The following NSD1 variants were observed in gnomAD, a reference collection of about 807,000 sequenced individuals.
NSD1 encodes histone-lysine N-methyltransferase, H3 lysine-36 specific.
Under a neutral mutation model 242.7 loss-of-function variants are expected in NSD1, and 26 were observed. The observed-to-expected ratio is 0.11, with a 90% CI of 0.08 to 0.15. The LOEUF is 0.15. Ranked by LOEUF, NSD1 falls within the 10% of genes least tolerant of loss-of-function variation. The pLI is 1.00. For synonymous variants in NSD1, 1,106 were observed against 1,178.1 expected (o/e 0.94, Z 1.25); for missense variants, 2,495 against 3,272.8 (o/e 0.76, Z 5.80).
chr5:177,135,368 G>T lies in NSD1; in HGVS notation c.265G>T (p.Gly89Trp), dbSNP rs750302143. The T allele has an allele frequency of 6.2e-7, 1 of 1,612,618 alleles. No homozygotes were observed. The highest frequency in any genetic ancestry group is 1.1e-5 in the South Asian group (1 of 91,068). Reference sequence around the variant, plus strand: ...CATGATCAATGTAGAGTATTTAAATGGGTCTGCTGATGGATCAGAATCCTT... The same window carrying T: ...CATGATCAATGTAGAGTATTTAAATTGGTCTGCTGATGGATCAGAATCCTT... ...ASMINVEYLN[G>W]SADGSESFQD... The change falls in exon 2 of 23, where the codon GGG becomes TGG. Residue 89 changes from glycine to tryptophan, a missense_variant. Physicochemically the swap from Gly to Trp is radical, Grantham distance 184. Around this residue, in one of 19 missense-constraint regions of NSD1, gnomAD observed 376 missense variants for 367.4 expected, o/e 1.02. Transcript: ENST00000439151.
Position 177,260,034 on chromosome 5 carries a change from A to G in NSD1, c.5012A>G (p.Asn1671Ser), listed in dbSNP as rs763211550. 2 of 1,614,138 alleles carry G rather than the reference A, an allele frequency of 1.2e-6. No homozygotes were observed. The highest frequency in any genetic ancestry group is 1.7e-6 in the Non-Finnish European group (2 of 1,180,026). The change falls in exon 14 of 23, where the codon AAT becomes AGT. Residue 1671 changes from asparagine to serine, a missense_variant. Transcript: ENST00000439151. ...CVRCPVAYHA[N>S]DFCLAAGSKI... is the part of the protein sequence containing the mutation. ...CGCTGTCCTGTGGCATACCACGCCA[A>G]TGACTTTTGCCTGGCTGCTGGGTCA...
At chr5:177,168,111 A>G (rs1759358422) in intron 2 of NSD1, among the ~76,000 whole-genome samples, 2 of 152,212 alleles carry the variant, frequency 1.3e-5, no homozygotes, top group Admixed American at 6.5e-5. Flanking sequence ...AATTCCAAGT[A>G]ATGAACTTGG....
At chr5:177,176,062 G>A (rs745572954) in intron 2 of NSD1, among the ~76,000 whole-genome samples, 5 of 152,198 alleles carry the variant, frequency 3.3e-5, no homozygotes, top group Admixed American at 6.6e-5. Flanking sequence ...TTTTAGTAGA[G>A]ACAGGGTTTT....
chr5:177,198,658 G>A (rs1214221926), intron 3 of NSD1, among the ~76,000 whole-genome samples: 2 of 152,090 alleles, frequency 1.3e-5, no homozygotes, highest in Admixed American at 1.3e-4. Flanking sequence ...TCAGAATAAT[G>A]CATTTCAGGA....
chr5:177,282,551 C>G lies in NSD1; in HGVS notation c.5979C>G (p.Ile1993Met), dbSNP rs774167541. The G allele has an allele frequency of 1.2e-6, 2 of 1,611,634 alleles. No homozygotes were observed. Among genetic ancestry groups the G allele is most frequent in the African/African-American group, 2.7e-5 (2 of 74,854 alleles). ...TTCGCTATGCTCAAGAACATGATAT[C>G]ACTAATTTCTATATGCTCACCCTAG... ...ARIRYAQEHDITNFYMLTLDK... is the reference protein window; with the variant it reads ...ARIRYAQEHDMTNFYMLTLDK... The change falls in exon 19 of 23, where the codon ATC becomes ATG. Residue 1993 changes from isoleucine (I) to methionine (M), a missense_variant. Coordinates refer to ENST00000439151, the MANE Select transcript of NSD1 (RefSeq NM_022455.5).
chr5:177,290,095 T>C (rs1759691813), intron 21 of NSD1, among the ~76,000 whole-genome samples: 1 of 151,826 alleles, frequency 6.6e-6, no homozygotes, highest in East Asian at 1.9e-4. Context: ...CCCAAAGTGC[T>C]GGGATTACAG....
rs1317344138 is a variant in NSD1 at position 177,204,128 on chromosome 5, C to T, written c.1072C>T (p.Arg358Trp). The change falls in exon 4 of 23, where the codon CGG becomes TGG. Residue 358 changes from arginine (R) to tryptophan (W), a missense_variant. Arg to Trp is a moderately radical substitution (Grantham distance 101). This residue lies in a region of NSD1 where 65 missense variants were observed against 136.2 expected (regional missense o/e 0.48). Transcript: ENST00000439151. ...CTCTTACCCTTACCTAGTTTCCAACCGGAGGCCCTATCGGCAGTACTACGT... is the reference window on the plus strand; with the variant it reads ...CTCTTACCCTTACCTAGTTTCCAACTGGAGGCCCTATCGGCAGTACTACGT... ...NTHSKMKVSN[R>W]RPYRQYYVEA... 2 of 1,613,828 alleles carry T rather than the reference C, an allele frequency of 1.2e-6. No homozygotes were observed. The highest frequency in any genetic ancestry group is 1.7e-5 in the Admixed American group (1 of 59,994).
chr5:177,190,836 A>AT (rs1554185185), intron 2 of NSD1, among the ~76,000 whole-genome samples: 1 of 146,468 alleles, frequency 6.8e-6, no homozygotes, highest in African/African-American at 2.7e-5. Flanking sequence ...TGCCCAGCTA[A>AT]TTTTTTATTT....
intron 4 of NSD1, among the ~76,000 whole-genome samples, chr5:177,204,794 G>T (rs1169274505): frequency 5.9e-5 from 9 of 151,804 alleles, no homozygotes; most frequent in Non-Finnish European, 1.5e-5. Flanking sequence ...TTGTTTGTTT[G>T]TTTGTTTGTT....
chr5:177,229,675 G>T (rs1581385391), intron 5 of NSD1: 5 of 343,796 alleles, frequency 1.5e-5, no homozygotes, highest in South Asian at 8.5e-5. Context: ...ACATAGGTAG[G>T]GAGTTGGGGT....
Position 177,238,283 on chromosome 5 carries a change from C to G in NSD1, c.3968C>G (p.Ser1323Cys), listed in dbSNP as rs1765611551. Residue 1323 changes from serine (S) to cysteine (C), a missense_variant, in exon 7 of 23, where the codon TCT becomes TGT. Around this residue, in one of 19 missense-constraint regions of NSD1, gnomAD observed 100 missense variants for 190.7 expected, o/e 0.52. Coordinates refer to ENST00000439151, the MANE Select transcript of NSD1 (RefSeq NM_022455.5). The surrounding 1 kb of genome is among the most constrained non-coding windows in gnomAD (Gnocchi z 4.6). ...GAAAGCCTTCTAGCCCGAGGTCGAT[C>G]TAGTGCTCAGAACAAGCAGGTGGAC... is the stretch of plus-strand genomic sequence containing the variant. Reference protein sequence around the residue: ...EEESLLARGRSSAQNKQVDEN... With the variant: ...EEESLLARGRCSAQNKQVDEN... The G allele has an allele frequency of 1.2e-6, 2 of 1,613,996 alleles. No individual in the cohort carries two copies. Among genetic ancestry groups the G allele is most frequent in the Non-Finnish European group, 1.7e-6 (2 of 1,180,044 alleles).
chr5:177,222,091 G>A lies in NSD1; in HGVS notation c.3796+9896G>A, dbSNP rs1028182899. ...CTCCCAAAATGCTGGGATTACAGGC[G>A]TGAGCCATCGCACCCGGCCCCCACT... is the stretch of plus-strand genomic sequence containing the variant. On this transcript the variant is annotated intron_variant, in intron 5 of 22. Coordinates refer to ENST00000439151, the MANE Select transcript of NSD1 (RefSeq NM_022455.5). Among the ~76,000 whole-genome samples the A allele has an allele frequency of 6.6e-5, 10 of 151,702 alleles. No individual in the cohort carries two copies. In the South Asian group the frequency reaches 1.2e-3, roughly 19 times the overall value.
At chr5:177,252,576 A>G in intron 12 of NSD1, among the ~76,000 whole-genome samples, 1 of 108,164 alleles carries the variant, frequency 9.2e-6, no homozygotes, top group African/African-American at 3.6e-5. Flanking sequence ...TTTTAATAAG[A>G]GATGAGGTCT....
At chr5:177,218,744 G>A (rs746354861) in intron 5 of NSD1, among the ~76,000 whole-genome samples, 8 of 150,842 alleles carry the variant, frequency 5.3e-5, no homozygotes, top group Non-Finnish European at 8.9e-5. Flanking sequence ...AATTTTTTTT[G>A]TATTTTTTAG....
At chr5:177,158,841 T>G (rs1386311817) in intron 2 of NSD1, among the ~76,000 whole-genome samples, 3 of 102,594 alleles carry the variant, frequency 2.9e-5, no homozygotes, top group African/African-American at 1.2e-4. Context: ...AAAAAGGAAG[T>G]AATGGCAAAA....
At chr5:177,190,604 A>G (rs1761583762) in intron 2 of NSD1, among the ~76,000 whole-genome samples, 1 of 151,398 alleles carries the variant, frequency 6.6e-6, no homozygotes, top group South Asian at 2.1e-4. Flanking sequence ...AGAGCTTTTT[A>G]AAAGAAAGTA....
intron 17 of NSD1, among the ~76,000 whole-genome samples, chr5:177,279,050 C>G (rs562927164): frequency 6.6e-6 from 1 of 152,284 alleles, no homozygotes; most frequent in South Asian, 2.1e-4. Context: ...TGCTATAGTC[C>G]TTTTAAAAGA....
chr5:177,192,086 TTAA>T (rs1418140166), intron 3 of NSD1, 67 bp downstream of exon 3: 13 of 1,317,926 alleles, frequency 9.9e-6, no homozygotes, highest in Middle Eastern at 2.1e-4. Context: ...TTTTGTTATC[TTAA>T]TAATAATATA....
intron 2 of NSD1, among the ~76,000 whole-genome samples, chr5:177,162,083 A>T (rs1758803864): frequency 1.3e-5 from 2 of 152,020 alleles, no homozygotes; most frequent in African/African-American, 4.8e-5. Context: ...AGATCACCTG[A>T]GATCCAGAGT....
Sources: allele counts gnomAD v4.1 joint callset (sites outside exome capture counted in the v4.1 genomes callset), GRCh38; gene constraint gnomAD v4.1.1; regional missense constraint gnomAD v4.1.1; non-coding constraint Gnocchi (gnomAD v3.1); transcripts MANE v1.5; gene names NCBI Gene and HGNC (gene_info 2026-07-23, HGNC 2026-07-21).